Variants in DCC observed in about 807,000 individuals in gnomAD.
The protein encoded by DCC is DCC netrin 1 receptor, also known as netrin receptor DCC.
A neutral mutation model predicts 172.5 loss-of-function variants in DCC; 58 were observed. The observed-to-expected ratio is 0.34, with a 90% CI of 0.27 to 0.42. The LOEUF is 0.42. DCC is among the 10% of genes least tolerant of loss of function. The pLI, the probability that DCC is intolerant of heterozygous loss-of-function variation, is 1.00. For synonymous variants in DCC, 709 were observed against 644.5 expected, an observed-to-expected ratio of 1.10 and a Z score of -1.52; for missense variants, 1,740 against 1,791.0, an observed-to-expected ratio of 0.97 and a Z score of 0.51.
chr18:52,393,771 C>T (rs994627589), intron 1 of DCC, among the ~76,000 whole-genome samples: 2 of 152,034 alleles, frequency 1.3e-5, no homozygotes, highest in Admixed American at 1.3e-4. Flanking sequence ...ACATTAAAAT[C>T]GCGTGTGAGA....
chr18:52,815,793 T>C (rs548843695), intron 2 of DCC, among the ~76,000 whole-genome samples: 38 of 152,230 alleles, frequency 2.5e-4, no homozygotes, highest in Non-Finnish European at 4.8e-4. Context: ...TCCAATGATA[T>C]AGGACATGTT....
At chr18:52,446,043 T>C (rs1332785674) in intron 1 of DCC, among the ~76,000 whole-genome samples, 2 of 152,202 alleles carry the variant, frequency 1.3e-5, no homozygotes, top group African/African-American at 2.4e-5. Flanking sequence ...GTCATTCTCC[T>C]GCCTCAGCCT....
chr18:53,031,864 G>A (rs1305739724), intron 5 of DCC, among the ~76,000 whole-genome samples: 1 of 151,702 alleles, frequency 6.6e-6, no homozygotes. Flanking sequence ...GAGTGTGTAT[G>A]TGTGTGTGTG....
intron 2 of DCC, among the ~76,000 whole-genome samples, chr18:52,815,238 C>A (rs1324369449): frequency 2.6e-5 from 4 of 152,082 alleles, no homozygotes; most frequent in Admixed American, 6.6e-5. Context: ...CCTCAAAATA[C>A]ATGTGTTGAA....
At chr18:52,962,049 C>A (rs2040851021) in intron 5 of DCC, among the ~76,000 whole-genome samples, 1 of 151,972 alleles carries the variant, frequency 6.6e-6, no homozygotes, top group Non-Finnish European at 1.5e-5. Context: ...TAGGCATGGG[C>A]AAGGACTTCA....
intron 1 of DCC, among the ~76,000 whole-genome samples, chr18:52,356,593 C>T (rs1984374201): frequency 6.6e-6 from 1 of 151,994 alleles, no homozygotes; most frequent in Admixed American, 6.6e-5. Context: ...GATATTGTTC[C>T]ATGCTTATCT....
intron 5 of DCC, among the ~76,000 whole-genome samples, chr18:52,979,485 A>G (rs1487977646): frequency 2.0e-5 from 3 of 152,202 alleles, no homozygotes; most frequent in African/African-American, 7.2e-5. Flanking sequence ...AAAGGCATGG[A>G]TGTTGCTAAC....
At chr18:53,085,851 G>A (rs2042871476) in intron 7 of DCC, among the ~76,000 whole-genome samples, 1 of 151,428 alleles carries the variant, frequency 6.6e-6, no homozygotes, top group South Asian at 2.1e-4. Flanking sequence ...TATGGTCTCA[G>A]TAATTGTGAA....
At chr18:52,551,555 C>A (rs1212222511) in intron 1 of DCC, among the ~76,000 whole-genome samples, 4 of 151,922 alleles carry the variant, frequency 2.6e-5, no homozygotes, top group Non-Finnish European at 5.9e-5. Context: ...AGACAATGAT[C>A]CAGAAGTTCA....
intron 1 of DCC, among the ~76,000 whole-genome samples, chr18:52,480,482 AC>A (rs1598851611): frequency 6.6e-6 from 1 of 152,172 alleles, no homozygotes; most frequent in East Asian, 1.9e-4. Flanking sequence ...TTGGTAGAGA[AC>A]CAGGGATCTA....
At chr18:52,538,829 T>A (rs2032358501) in intron 1 of DCC, among the ~76,000 whole-genome samples, 2 of 152,200 alleles carry the variant, frequency 1.3e-5, no homozygotes, top group Admixed American at 6.5e-5. Context: ...TGTTCTCCTT[T>A]TGTACTTTCC....
intron 5 of DCC, among the ~76,000 whole-genome samples, chr18:53,039,152 G>A (rs892637119): frequency 6.6e-6 from 1 of 151,872 alleles, no homozygotes; most frequent in Admixed American, 6.6e-5. Context: ...CAGCAATGTG[G>A]GATTTCTTTT....
intron 2 of DCC, among the ~76,000 whole-genome samples, chr18:52,833,030 A>G (rs1416301001): frequency 6.6e-6 from 1 of 152,128 alleles, no homozygotes; most frequent in Non-Finnish European, 1.5e-5. Flanking sequence ...CTTGTTTAAT[A>G]ACAATAGGGT....
intron 1 of DCC, among the ~76,000 whole-genome samples, chr18:52,415,622 G>A (rs1986994519): frequency 6.6e-6 from 1 of 152,130 alleles, no homozygotes; most frequent in African/African-American, 2.4e-5. Flanking sequence ...GGAGAGAATT[G>A]CGAGAGTATG....
chr18:53,475,924 G>T (rs1009713242), intron 25 of DCC, among the ~76,000 whole-genome samples: 2 of 152,164 alleles, frequency 1.3e-5, no homozygotes, highest in Non-Finnish European at 2.9e-5. Context: ...CCACAGGGAC[G>T]GAGATGCCCA....
chr18:53,441,621 C>T lies in DCC; in HGVS notation c.3229+6412C>T, dbSNP rs530777160. Among the ~76,000 whole-genome samples, 4 of 152,226 alleles carry T rather than the reference C, an allele frequency of 2.6e-5. No individual in the cohort carries two copies. The South Asian group carries it at 6.2e-4, about 24-fold the overall frequency. ...CATTCTTTCCTCCCCCATATCCAAC[C>T]GGTGTTGTGCTCATTTACTTTCAAA... On this transcript the variant is annotated intron_variant, in intron 22 of 28. Transcript: ENST00000442544.
chr18:52,909,951 G>A (rs146860150), intron 3 of DCC, among the ~76,000 whole-genome samples: 5 of 152,220 alleles, frequency 3.3e-5, no homozygotes, highest in East Asian at 1.9e-4. Context: ...AGAGCAGCAC[G>A]TGAAAAGCAT....
chr18:52,780,094 CCAT>C (rs1409455546), intron 2 of DCC, among the ~76,000 whole-genome samples: 2 of 152,038 alleles, frequency 1.3e-5, no homozygotes, highest in Admixed American at 1.3e-4. Context: ...TATTAATTAA[CCAT>C]CAAGGTTTTT....
At chr18:52,498,414 A>G (rs1432096178) in intron 1 of DCC, among the ~76,000 whole-genome samples, 2 of 152,134 alleles carry the variant, frequency 1.3e-5, no homozygotes, top group African/African-American at 4.8e-5. Flanking sequence ...ACTTGAGGTC[A>G]TGAGTTTGAG....
Sources: allele counts gnomAD v4.1 joint callset (sites outside exome capture counted in the v4.1 genomes callset), GRCh38; gene constraint gnomAD v4.1.1; transcripts MANE v1.5; gene names NCBI Gene and HGNC (gene_info 2026-07-23, HGNC 2026-07-21).